The following DPP10 variants were observed in gnomAD, a reference collection of about 807,000 sequenced individuals.
The protein encoded by DPP10 is dipeptidyl peptidase like 10.
A neutral mutation model predicts 120.9 loss-of-function variants in DPP10; 33 were observed. The ratio of observed to expected loss-of-function variants is 0.27; its 90% CI spans 0.21 to 0.37. The LOEUF (loss-of-function observed/expected upper bound fraction) is 0.37. Ranked by LOEUF, DPP10 falls within the 10% of genes least tolerant of loss-of-function variation. DPP10 has a pLI of 1.00. For synonymous variants in DPP10, 337 were observed against 326.1 expected (o/e 1.03, Z -0.36); for missense variants, 816 against 942.8 (o/e 0.87, Z 1.76).
intron 1 of DPP10, among the ~76,000 whole-genome samples, chr2:114,939,400 A>G (rs1009622084): frequency 3.9e-5 from 6 of 152,036 alleles, no homozygotes; most frequent in African/African-American, 1.2e-4. Context: ...AAATTTTTTA[A>G]ATTCTTTTTT....
chr2:115,398,871 G>T (rs1371836538), intron 3 of DPP10, among the ~76,000 whole-genome samples: 1 of 152,102 alleles, frequency 6.6e-6, no homozygotes, highest in African/African-American at 2.4e-5. Flanking sequence ...AAATAGGGAT[G>T]TTTTAATTTA....
chr2:115,494,323 A>T (rs2076282494), intron 3 of DPP10, among the ~76,000 whole-genome samples: 1 of 152,170 alleles, frequency 6.6e-6, no homozygotes, highest in South Asian at 2.1e-4. Flanking sequence ...TGTTTATAAA[A>T]CAGAGCTTCT....
chr2:115,659,856 ATAT>A, intron 5 of DPP10, among the ~76,000 whole-genome samples: 2 of 152,182 alleles, frequency 1.3e-5, no homozygotes, highest in Non-Finnish European at 2.9e-5. Context: ...TTAATTAACC[ATAT>A]CCTAAGTGCT....
chr2:114,890,156 A>G (rs1355324958), intron 1 of DPP10, among the ~76,000 whole-genome samples: 4 of 152,248 alleles, frequency 2.6e-5, no homozygotes, highest in African/African-American at 7.2e-5. Flanking sequence ...TATATATCCC[A>G]GGGTTTATCA....
rs568319949 is a variant in DPP10 at position 115,111,743 on chromosome 2, A to G, written c.61-197496A>G. Among the ~76,000 whole-genome samples, 6 of 152,294 alleles carry G rather than the reference A, an allele frequency of 3.9e-5. No homozygotes were observed. In the East Asian group the frequency reaches 9.7e-4, roughly 25 times the overall value. The stretch of plus-strand genomic sequence containing the variant: ...CAGGGAAAAATTCAGGCCACATGTA[A>G]TAGGATCCATCCAGAGCAATCCTCA... On this transcript the variant is annotated intron_variant, in intron 1 of 25. Coordinates refer to ENST00000410059, the MANE Select transcript of DPP10 (RefSeq NM_020868.6).
At chr2:114,476,407 C>G (rs761387397) in intron 1 of DPP10, among the ~76,000 whole-genome samples, 14 of 152,134 alleles carry the variant, frequency 9.2e-5, no homozygotes, top group Non-Finnish European at 1.9e-4. Context: ...GGCAAAACTA[C>G]CTTTTGATCC....
At position 115,723,313 on chromosome 2, in the gene DPP10, T is replaced by A. The variant is rs1446931057; in HGVS notation, c.577-4503T>A. 2.6e-5 allele frequency among the ~76,000 whole-genome samples: 4 copies of A among 152,314 alleles called. No homozygotes were observed. In the South Asian group the frequency reaches 6.2e-4, roughly 24 times the overall value. On this transcript the variant is annotated intron_variant, in intron 7 of 25. Coordinates refer to ENST00000410059, the MANE Select transcript of DPP10 (RefSeq NM_020868.6). ...ATACAAAGATGGGCTTCCGTCGAAT[T>A]CTTTGTTGTTTTTGCTTTTCTTTGG...
chr2:114,535,647 G>T (rs1433312631), intron 1 of DPP10, among the ~76,000 whole-genome samples: 1 of 152,060 alleles, frequency 6.6e-6, no homozygotes, highest in East Asian at 1.9e-4. Context: ...AATATCTCCT[G>T]CATTTTTTCC....
At chr2:115,493,306 A>G (rs1025756139) in intron 3 of DPP10, among the ~76,000 whole-genome samples, 1 of 152,018 alleles carries the variant, frequency 6.6e-6, no homozygotes, top group Admixed American at 6.6e-5. Context: ...ACAGGATGGT[A>G]TGTATGTAAA....
At chr2:115,163,233 C>G (rs1455032561) in intron 1 of DPP10, among the ~76,000 whole-genome samples, 2 of 152,202 alleles carry the variant, frequency 1.3e-5, no homozygotes, top group Non-Finnish European at 2.9e-5. Flanking sequence ...CTGTCCAAAT[C>G]GCCCAGGAGT....
chr2:114,824,621 T>A (rs1350296817), intron 1 of DPP10, among the ~76,000 whole-genome samples: 2 of 152,134 alleles, frequency 1.3e-5, no homozygotes, highest in African/African-American at 2.4e-5. Context: ...TTTTTTTTTT[T>A]ATTTTAAGAT....
chr2:115,546,710 A>C (rs2079524099), intron 5 of DPP10, among the ~76,000 whole-genome samples: 1 of 152,146 alleles, frequency 6.6e-6, no homozygotes, highest in African/African-American at 2.4e-5. Flanking sequence ...CTTTGCAGAT[A>C]GTCAAGAGCT....
intron 3 of DPP10, among the ~76,000 whole-genome samples, chr2:115,384,794 T>G (rs1655282452): frequency 6.6e-6 from 1 of 152,112 alleles, no homozygotes; most frequent in African/African-American, 2.4e-5. Context: ...AAGCAAGTGG[T>G]GAAACATAGA....
chr2:115,554,031 A>G (rs2149016545), intron 5 of DPP10, among the ~76,000 whole-genome samples: 1 of 151,068 alleles, frequency 6.6e-6, no homozygotes, highest in South Asian at 2.1e-4. Flanking sequence ...ACACACACAC[A>G]CACACACACA....
At chr2:115,751,923 C>T (rs1183017367) in intron 10 of DPP10, among the ~76,000 whole-genome samples, 9 of 151,726 alleles carry the variant, frequency 5.9e-5, no homozygotes, top group African/African-American at 1.9e-4. Flanking sequence ...TTCAGCCTCC[C>T]GAGTAGCTGG....
chr2:114,761,821 T>C (rs865773879), intron 1 of DPP10, among the ~76,000 whole-genome samples: 5 of 152,140 alleles, frequency 3.3e-5, no homozygotes, highest in Non-Finnish European at 7.4e-5. Flanking sequence ...ATCCTCCTCC[T>C]AGGAATTCCA....
Position 115,815,717 on chromosome 2 carries a change from C to T in DPP10, c.1938C>T (p.Ser646=). The T allele has an allele frequency of 6.3e-7, 1 of 1,599,442 alleles. No individual in the cohort carries two copies. Among genetic ancestry groups the T allele is most frequent in the Non-Finnish European group, 8.5e-7 (1 of 1,171,418 alleles). The change falls in exon 21 of 26, where the codon AGC becomes AGT. Residue 646 remains serine (S), a synonymous_variant. Coordinates refer to ENST00000410059, the MANE Select transcript of DPP10 (RefSeq NM_020868.6). ...KLPYIDSKRL[S]IFGKGYGGYI... is the part of the protein sequence containing the mutation. ...CTTACATTGACTCCAAAAGATTAAGCATTTTTGGAAAGGTAAATAGTAGAA... is the reference window on the plus strand; with the variant it reads ...CTTACATTGACTCCAAAAGATTAAGTATTTTTGGAAAGGTAAATAGTAGAA...
chr2:115,675,826 G>T (rs1388659511), intron 5 of DPP10, among the ~76,000 whole-genome samples: 1 of 152,130 alleles, frequency 6.6e-6, no homozygotes, highest in Non-Finnish European at 1.5e-5. Flanking sequence ...TTGAGAGCAT[G>T]GTCACCATCA....
chr2:115,326,483 A>G (rs2062372461), intron 2 of DPP10, among the ~76,000 whole-genome samples: 1 of 152,092 alleles, frequency 6.6e-6, no homozygotes, highest in Non-Finnish European at 1.5e-5. Flanking sequence ...TTTACAGTGC[A>G]TTCCTTCTAC....
Sources: allele counts gnomAD v4.1 joint callset (sites outside exome capture counted in the v4.1 genomes callset), GRCh38; gene constraint gnomAD v4.1.1; transcripts MANE v1.5; gene names NCBI Gene and HGNC (gene_info 2026-07-23, HGNC 2026-07-21).